MAP1B: variants seen among roughly 807,000 people sequenced by gnomAD.
MAP1B encodes the protein microtubule-associated protein 1B.
Under a neutral mutation model 176.1 loss-of-function variants are expected in MAP1B, and 12 were observed. The observed-to-expected ratio is 0.07, with a 90% CI of 0.04 to 0.11. The LOEUF is 0.11. Ranked by LOEUF, MAP1B falls within the 10% of genes least tolerant of loss-of-function variation. The pLI is 1.00. For missense variants in MAP1B, 2,523 were observed against 2,990.5 expected, an observed-to-expected ratio of 0.84 and a Z score of 3.65; for synonymous variants, 1,044 against 1,135.0, an observed-to-expected ratio of 0.92 and a Z score of 1.61.
At chr5:72,151,056 G>A (rs371561269) in intron 2 of MAP1B, among the ~76,000 whole-genome samples, 1 of 151,994 alleles carries the variant, frequency 6.6e-6, no homozygotes, top group African/African-American at 2.4e-5. Flanking sequence ...GAGGGGGTTT[G>A]GCTCATGGAT....
chr5:72,149,852 G>A (rs561760547), intron 2 of MAP1B, among the ~76,000 whole-genome samples: 8 of 152,202 alleles, frequency 5.3e-5, no homozygotes, highest in Non-Finnish European at 1.2e-4. Context: ...GAATTTAAGT[G>A]TATTCCTCAA....
chr5:72,196,306 C>A lies in MAP1B; in HGVS notation c.2951C>A (p.Ala984Glu), dbSNP rs538070638. 1.4e-5 allele frequency: 22 copies of A among 1,613,906 alleles called. No homozygotes were observed. The highest frequency in any genetic ancestry group is 1.7e-6 in the Non-Finnish European group (2 of 1,180,020). Residue 984 changes from alanine (A) to glutamate (E), a missense_variant, in exon 5 of 7, where the codon GCA (alanine) becomes GAA (glutamate). By Grantham distance (107) the Ala-to-Glu change is moderately radical (BLOSUM62 -1). Coordinates refer to ENST00000296755, the MANE Select transcript of MAP1B (RefSeq NM_005909.5). This position sits in a 1 kb window ranked among gnomAD's most constrained non-coding sequence, Gnocchi z 5.3. The stretch of plus-strand genomic sequence containing the variant: ...GAAAGTGCCAAGGCGGAGGCTGATG[C>A]ATACATCAGGGAGAAGAGGGAGTCT... The part of the protein sequence containing the change: ...DEESAKAEAD[A>E]YIREKRESVA...
intron 4 of MAP1B, among the ~76,000 whole-genome samples, chr5:72,191,685 G>A (rs1747029218): frequency 6.6e-6 from 1 of 152,216 alleles, no homozygotes; most frequent in Non-Finnish European, 1.5e-5. Flanking sequence ...TTTCTTCAGA[G>A]GGACCAGATT....
Position 72,107,501 on chromosome 5 carries a change from G to C in MAP1B, c.-31G>C. ...CAGTGGAGAGGAGCGGCCGGAGCGA[G>C]ACACTTCGCCGAGGCACAGCAGCCG... On this transcript the variant is annotated 5_prime_UTR_variant, in exon 1 of 7. Coordinates refer to ENST00000296755, the MANE Select transcript of MAP1B (RefSeq NM_005909.5). 2 of 1,530,720 alleles carry C rather than the reference G, an allele frequency of 1.3e-6. No homozygotes were observed. Among genetic ancestry groups the C allele is most frequent in the Non-Finnish European group, 1.8e-6 (2 of 1,140,534 alleles). The allele number at this position is 1,530,720 out of a possible 1,614,324, so 94.8% of individuals were successfully genotyped here.
intron 1 of MAP1B, 104 bp downstream of exon 1, chr5:72,107,819 ATG>A: frequency 2.5e-6 from 3 of 1,183,276 alleles, no homozygotes; most frequent in South Asian, 1.3e-5. Context: ...CCCCGCACCC[ATG>A]CCTCTCCTCG....
Position 72,204,939 on chromosome 5 carries a change from A to G in MAP1B, c.7252-145A>G. 3.5e-6 allele frequency: 2 copies of G among 566,998 alleles called. No homozygotes were observed. The highest frequency in any genetic ancestry group is 6.1e-6 in the Non-Finnish European group (2 of 330,294). 35.1% of individuals were successfully genotyped at this position (566,998 alleles called of 1,614,324 possible). A position where few individuals can be genotyped will look rare whatever the true frequency, so the allele number is the denominator to read the frequency against. ...GTTCCTGGAAAATATACATTGAAAAATCCTTTGCATTTCTTGAGGAAAATA... is the reference window on the plus strand; with the variant it reads ...GTTCCTGGAAAATATACATTGAAAAGTCCTTTGCATTTCTTGAGGAAAATA... On this transcript the variant is annotated intron_variant, in intron 6 of 6. Transcript: ENST00000296755. This position sits in a 1 kb window ranked among gnomAD's most constrained non-coding sequence, Gnocchi z 4.4.
chr5:72,173,322 A>C (rs762398477), intron 2 of MAP1B, among the ~76,000 whole-genome samples: 48 of 152,200 alleles, frequency 3.2e-4, no homozygotes, highest in Non-Finnish European at 5.4e-4. Flanking sequence ...GTATTTCTTC[A>C]GGATAGGGGT....
chr5:72,160,946 T>C (rs1385566584), intron 2 of MAP1B, among the ~76,000 whole-genome samples: 1 of 152,146 alleles, frequency 6.6e-6, no homozygotes, highest in African/African-American at 2.4e-5. Flanking sequence ...TTTCATAGGC[T>C]AGAAAGACCC....
At position 72,195,380 on chromosome 5, in the gene MAP1B, A is replaced by G. The variant is rs1388748190; in HGVS notation, c.2025A>G (p.Pro675=). Residue 675 remains proline (P), a synonymous_variant, in exon 5 of 7, where the codon CCA becomes CCG. Transcript: ENST00000296755. ...DKTPIKKEEK[P]KKEEVKKEVK... ...CACCTATCAAGAAGGAGGAAAAACC[A>G]AAAAAGGAAGAGGTGAAAAAAGAAG... 4 of 1,567,434 alleles carry G rather than the reference A, an allele frequency of 2.6e-6. No individual in the cohort carries two copies. Among genetic ancestry groups the G allele is most frequent in the Non-Finnish European group, 3.4e-6 (4 of 1,161,666 alleles).
chr5:72,153,213 T>A (rs1379615748), intron 2 of MAP1B, among the ~76,000 whole-genome samples: 1 of 152,136 alleles, frequency 6.6e-6, no homozygotes, highest in Non-Finnish European at 1.5e-5. Flanking sequence ...GGCAGCGGGT[T>A]AGCTGTGCTG....
At chr5:72,108,917 C>G (rs1345166618) in intron 1 of MAP1B, among the ~76,000 whole-genome samples, 1 of 152,244 alleles carries the variant, frequency 6.6e-6, no homozygotes, top group African/African-American at 2.4e-5. Flanking sequence ...CCAGCCCGCG[C>G]TCTATTCTCC....
At chr5:72,125,974 A>C (rs1355433489) in intron 2 of MAP1B, among the ~76,000 whole-genome samples, 2 of 152,210 alleles carry the variant, frequency 1.3e-5, no homozygotes, top group East Asian at 3.8e-4. Context: ...TGAGTGCTGG[A>C]AAATTGTCCA....
At chr5:72,117,469 T>C (rs1280022668) in intron 2 of MAP1B, among the ~76,000 whole-genome samples, 1 of 152,240 alleles carries the variant, frequency 6.6e-6, no homozygotes, top group Non-Finnish European at 1.5e-5. Flanking sequence ...ATATTTGGAC[T>C]GACTTTATAG....
chr5:72,111,924 A>C (rs186148588), intron 1 of MAP1B, among the ~76,000 whole-genome samples: 6 of 152,322 alleles, frequency 3.9e-5, no homozygotes, highest in Admixed American at 1.3e-4. Flanking sequence ...CATTACATAC[A>C]TATGTTATGA....
At chr5:72,108,307 G>T (rs1745168642) in intron 1 of MAP1B, among the ~76,000 whole-genome samples, 1 of 152,192 alleles carries the variant, frequency 6.6e-6, no homozygotes, top group Non-Finnish European at 1.5e-5. Context: ...CCTCCCCGGG[G>T]AGATGCTGGG....
At chr5:72,181,170 G>C (rs1580010972) in intron 2 of MAP1B, among the ~76,000 whole-genome samples, 1 of 152,196 alleles carries the variant, frequency 6.6e-6, no homozygotes, top group Non-Finnish European at 1.5e-5. Context: ...GCTTCTGTCT[G>C]TGATGTGGGG....
chr5:72,197,589 A>T lies in MAP1B; in HGVS notation c.4234A>T (p.Ser1412Cys). ...CATTGGATCCGAGTCTGCTTATGAA[A>T]GTTTTCTAAGTGCTGATGACAAGGC... is the stretch of plus-strand genomic sequence containing the variant. ...PLIGSESAYE[S>C]FLSADDKASG... is the part of the protein sequence containing the mutation. The change falls in exon 5 of 7, where the codon AGT becomes TGT. Residue 1412 changes from serine (S) to cysteine (C), a missense_variant. Transcript: ENST00000296755. The T allele has an allele frequency of 6.2e-7, 1 of 1,614,198 alleles. No homozygotes were observed. The highest frequency in any genetic ancestry group is 8.5e-7 in the Non-Finnish European group (1 of 1,180,036).
At chr5:72,155,430 C>T (rs772798267) in intron 2 of MAP1B, among the ~76,000 whole-genome samples, 52 of 152,304 alleles carry the variant, frequency 3.4e-4, no homozygotes, top group South Asian at 6.2e-4. Flanking sequence ...TATGTATTCC[C>T]GTCCCTGGAA....
chr5:72,126,763 G>A (rs1056696594), intron 2 of MAP1B, among the ~76,000 whole-genome samples: 5 of 152,232 alleles, frequency 3.3e-5, no homozygotes, highest in African/African-American at 1.2e-4. Context: ...CCATCCATGA[G>A]TATTCTTAAT....
Sources: gnomAD v4.1 joint callset for allele counts (sites outside exome capture counted in the v4.1 genomes callset) on GRCh38, gnomAD v4.1.1 for gene constraint, Gnocchi (gnomAD v3.1) non-coding constraint, MANE v1.5 for transcripts, NCBI Gene and HGNC (gene_info 2026-07-23, HGNC 2026-07-21) for gene names.